The following AKR1B15 variants were observed in gnomAD, a reference collection of about 807,000 sequenced individuals.
The protein encoded by AKR1B15 is estradiol 17-beta-dehydrogenase AKR1B15.
AKR1B15 carries 49 observed loss-of-function variants against 38.5 expected under a neutral mutation model. The observed-to-expected ratio is 1.27, with a 90% confidence interval of 1.01 to 1.62. The LOEUF is 1.62. Among genes scored for constraint, AKR1B15 ranks in the 40% most tolerant of loss-of-function variants. AKR1B15 has a pLI of 0.00. For synonymous variants in AKR1B15, 137 were observed against 135.5 expected (o/e 1.01, Z -0.08); for missense variants, 411 against 381.6 (o/e 1.08, Z -0.64).
intron 2 of AKR1B15, among the ~76,000 whole-genome samples, chr7:134,558,789 C>G (rs114971258): frequency 1.0e-3 from 152 of 152,304 alleles, no homozygotes; most frequent in African/African-American, 3.6e-3. Context: ...AAATTATATA[C>G]TTGGTCTAGG....
chr7:134,571,802 A>G (rs910927974), intron 6 of AKR1B15, 121 bp downstream of exon 6: 14 of 804,402 alleles, frequency 1.7e-5, no homozygotes, highest in Non-Finnish European at 2.7e-5. Flanking sequence ...GTGATTCTCT[A>G]GCTCTTCTAA....
chr7:134,561,021 T>G (rs1379292778), intron 2 of AKR1B15, among the ~76,000 whole-genome samples: 1 of 152,238 alleles, frequency 6.6e-6, no homozygotes. Context: ...ATACTCCCAT[T>G]GCAGTGGTCT....
At position 134,579,722 on chromosome 7, in the gene AKR1B15, A is replaced by G. The variant is rs978808122; in HGVS notation, c.*173A>G. ...GACATGTATTTCTGTATGTTCAACT[A>G]GGATAAGAATATCACAGAAAAGCAT... On this transcript the variant is annotated 3_prime_UTR_variant, in exon 12 of 12. Coordinates refer to ENST00000457545, the MANE Select transcript of AKR1B15 (RefSeq NM_001080538.3). 1.8e-6 allele frequency: 1 copy of G among 547,556 alleles called. No homozygotes were observed. The highest frequency in any genetic ancestry group is 2.0e-5 in the African/African-American group (1 of 50,920). 33.9% of individuals were successfully genotyped at this position (547,556 alleles called of 1,614,324 possible). A position where few individuals can be genotyped will look rare whatever the true frequency, so the allele number is the denominator to read the frequency against.
chr7:134,568,388 G>A (rs1162597898), intron 4 of AKR1B15, 63 bp downstream of exon 4: 3 of 1,592,928 alleles, frequency 1.9e-6, no homozygotes, highest in Non-Finnish European at 2.6e-6. Context: ...TCTGGATCGG[G>A]TGGGCAGCAA....
chr7:134,569,269 A>G (rs1292662788), intron 4 of AKR1B15, 144 bp from the exon 5 acceptor site: 23 of 906,242 alleles, frequency 2.5e-5, no homozygotes, highest in Non-Finnish European at 3.7e-5. Flanking sequence ...GATCTTCCAC[A>G]CTGCATCGTG....
chr7:134,559,028 G>A (rs193188220), intron 2 of AKR1B15, among the ~76,000 whole-genome samples: 57 of 152,206 alleles, frequency 3.7e-4, no homozygotes, highest in Admixed American at 1.1e-3. Flanking sequence ...AGAAGGTGCC[G>A]CCACCTCCAG....
chr7:134,551,738 TCCCCA>T (rs1793986015), intron 1 of AKR1B15, among the ~76,000 whole-genome samples: 2 of 151,592 alleles, frequency 1.3e-5, no homozygotes, highest in Non-Finnish European at 2.9e-5. Flanking sequence ...GGACCCCGAG[TCCCCA>T]CCAGGAAGGC....
At chr7:134,561,190 C>T (rs1794379347) in intron 2 of AKR1B15, among the ~76,000 whole-genome samples, 1 of 152,106 alleles carries the variant, frequency 6.6e-6, no homozygotes, top group African/African-American at 2.4e-5. Flanking sequence ...ACTTTGTGAC[C>T]ACCAGATTAT....
chr7:134,573,337 A>G, intron 6 of AKR1B15: 1 of 984,278 alleles, frequency 1.0e-6, no homozygotes, highest in Non-Finnish European at 1.2e-6. Context: ...GGCTGTTTGC[A>G]TTACATTTGA....
In AKR1B15 at chr7:134,568,221, G is replaced by T. The variant is rs778340418; in HGVS notation, c.214G>T (p.Asp72Tyr). The change falls in exon 4 of 12, where the codon GAC (aspartate) becomes TAC (tyrosine). Residue 72 changes from aspartate to tyrosine, a missense_variant. This residue lies in a region of AKR1B15 where 254 missense variants were observed against 212.4 expected (regional missense o/e 1.20). Transcript: ENST00000457545. ...CATTGATGCAGAATATCGCCACATT[G>T]ACTGTGCCTATTTCTATGAGAATCA... ...VAIDAEYRHI[D>Y]CAYFYENQHE... 5.0e-6 allele frequency: 8 copies of T among 1,614,012 alleles called. No homozygotes were observed. The highest frequency in any genetic ancestry group is 6.8e-6 in the Non-Finnish European group (8 of 1,180,004).
intron 2 of AKR1B15, among the ~76,000 whole-genome samples, chr7:134,563,512 C>T (rs1794467752): frequency 6.6e-6 from 1 of 152,194 alleles, no homozygotes; most frequent in Admixed American, 6.5e-5. Flanking sequence ...CACACCACTG[C>T]ACTCCAGCCT....
Position 134,569,351 on chromosome 7 carries a change from A to G in AKR1B15, c.319-62A>G, listed in dbSNP as rs563476071. The G allele has an allele frequency of 1.9e-6, 3 of 1,581,086 alleles. No homozygotes were observed. In the East Asian group the frequency reaches 6.7e-5, roughly 35 times the overall value. ...GGATGCAAATCAAAAAGCAGGGACA[A>G]TGAGTATAATGTGGCCCTTCCTTTT... is the stretch of plus-strand genomic sequence containing the variant. On this transcript the variant is annotated intron_variant, in intron 4 of 11. Coordinates refer to ENST00000457545, the MANE Select transcript of AKR1B15 (RefSeq NM_001080538.3).
intron 2 of AKR1B15, among the ~76,000 whole-genome samples, chr7:134,563,619 A>AACTTTTCT (rs2117643920): frequency 6.6e-6 from 1 of 152,286 alleles, no homozygotes; most frequent in South Asian, 2.1e-4. Flanking sequence ...AGACTTGGAG[A>AACTTTTCT]ACTTTTCTCT....
chr7:134,565,814 C>A (rs759095408), intron 3 of AKR1B15, among the ~76,000 whole-genome samples: 1 of 152,120 alleles, frequency 6.6e-6, no homozygotes, highest in Non-Finnish European at 1.5e-5. Context: ...TTTTCCAGGG[C>A]AGTTTCTCTC....
chr7:134,573,411 C>A, intron 6 of AKR1B15: 1 of 985,436 alleles, frequency 1.0e-6, no homozygotes, highest in Non-Finnish European at 1.2e-6. Flanking sequence ...ATGTACCCTG[C>A]TTCTCACAGT....
At chr7:134,577,122 A>AT in intron 10 of AKR1B15, 76 bp downstream of exon 10, 2 of 1,418,286 alleles carry the variant, frequency 1.4e-6, no homozygotes, top group Non-Finnish European at 2.0e-6. Flanking sequence ...TAGGCTTCTC[A>AT]CCTCATCCCT....
intron 3 of AKR1B15, chr7:134,565,032 C>T (rs1585801671): frequency 3.0e-6 from 1 of 334,532 alleles, no homozygotes. Flanking sequence ...ATGCACCAAT[C>T]AGCACTCTGT....
At chr7:134,568,122 A>C (rs773829082) in intron 3 of AKR1B15, 36 bp from the exon 4 acceptor site, 5 of 1,612,382 alleles carry the variant, frequency 3.1e-6, no homozygotes, top group Non-Finnish European at 3.4e-6. Context: ...TTAAAAAAAA[A>C]ATACATGTGT....
At chr7:134,551,710 C>T (rs1490908607) in intron 1 of AKR1B15, among the ~76,000 whole-genome samples, 3 of 152,148 alleles carry the variant, frequency 2.0e-5, no homozygotes. Flanking sequence ...GGGCCCCCAT[C>T]ACAGAGCACT....
Sources: allele counts gnomAD v4.1 joint callset (sites outside exome capture counted in the v4.1 genomes callset), GRCh38; gene constraint gnomAD v4.1.1; regional missense constraint gnomAD v4.1.1; transcripts MANE v1.5; gene names NCBI Gene and HGNC (gene_info 2026-07-23, HGNC 2026-07-21).